Variants in CNTN5 observed in about 807,000 individuals in gnomAD.
CNTN5 encodes contactin-5.
A neutral mutation model predicts 129.1 loss-of-function variants in CNTN5; 77 were observed. The observed-to-expected ratio is 0.60, with a 90% CI of 0.50 to 0.72. The LOEUF (loss-of-function observed/expected upper bound fraction) is 0.72, where lower values mean the gene tolerates loss of function less well. Among genes scored for constraint, CNTN5 ranks in the 30% least tolerant of loss-of-function variants. CNTN5 has a pLI of 0.00. For synonymous variants in CNTN5, 509 were observed against 465.6 expected (o/e 1.09, Z -1.20); for missense variants, 1,478 against 1,328.8 (o/e 1.11, Z -1.75).
chr11:99,386,014 C>T (rs17133446), intron 2 of CNTN5, among the ~76,000 whole-genome samples: 5,118 of 152,216 alleles, frequency 0.034, 285 homozygotes, highest in African/African-American at 0.12. Flanking sequence ...GTGAAAGTTA[C>T]GTGGCTGTCC....
intron 8 of CNTN5, among the ~76,000 whole-genome samples, chr11:99,962,378 A>G (rs900077834): frequency 4.8e-5 from 7 of 145,956 alleles, no homozygotes; most frequent in Non-Finnish European, 7.4e-5. Flanking sequence ...TCATTGTTCA[A>G]TTCCCACCTA....
At chr11:100,317,409 G>C (rs889751902) in intron 21 of CNTN5, among the ~76,000 whole-genome samples, 1 of 152,060 alleles carries the variant, frequency 6.6e-6, no homozygotes, top group Non-Finnish European at 1.5e-5. Context: ...ATGCTGTGTG[G>C]GTAGCCGCCA....
chr11:99,635,175 T>G (rs528925187), intron 3 of CNTN5, among the ~76,000 whole-genome samples: 3 of 152,302 alleles, frequency 2.0e-5, no homozygotes, highest in African/African-American at 7.2e-5. Context: ...AAACAAAATC[T>G]TCAACATGTA....
At chr11:99,313,857 G>T (rs745538467) in intron 1 of CNTN5, among the ~76,000 whole-genome samples, 4 of 151,904 alleles carry the variant, frequency 2.6e-5, no homozygotes, top group Non-Finnish European at 4.4e-5. Context: ...AGTTTATATT[G>T]CTTCATCCTT....
intron 2 of CNTN5, among the ~76,000 whole-genome samples, chr11:99,472,528 C>G (rs1393140901): frequency 6.6e-6 from 1 of 152,136 alleles, no homozygotes; most frequent in East Asian, 1.9e-4. Context: ...TCTGTTTGTT[C>G]AACACTTACT....
intron 4 of CNTN5, among the ~76,000 whole-genome samples, chr11:99,841,623 A>T (rs1207747130): frequency 6.6e-6 from 1 of 151,508 alleles, no homozygotes; most frequent in East Asian, 1.9e-4. Flanking sequence ...CAGCAGAAGC[A>T]GCATCAGCAG....
chr11:99,192,473 ATAAG>A lies in CNTN5; in HGVS notation c.-209-132866_-209-132863del, dbSNP rs377280271. The stretch of plus-strand genomic sequence containing the variant: ...AATTGCAAAATTAGAAAAACAATAT[ATAAG>A]TAAGTAGTAGATAGTAGATATGTCA... On this transcript the variant is annotated intron_variant, in intron 1 of 24. Coordinates refer to ENST00000524871, the MANE Select transcript of CNTN5 (RefSeq NM_014361.4). Among the ~76,000 whole-genome samples, 33 of 152,044 alleles carry A rather than the reference ATAAG, an allele frequency of 2.2e-4. No homozygotes were observed. In the East Asian group the frequency reaches 3.1e-3, roughly 14 times the overall value.
At chr11:99,188,519 T>C (rs913802733) in intron 1 of CNTN5, among the ~76,000 whole-genome samples, 1 of 151,832 alleles carries the variant, frequency 6.6e-6, no homozygotes, top group African/African-American at 2.4e-5. Context: ...AAGAGTGAGA[T>C]TGAGCAACTT....
intron 1 of CNTN5, among the ~76,000 whole-genome samples, chr11:99,107,938 TA>T (rs55786739): frequency 0.12 from 12,765 of 103,484 alleles, 901 homozygotes; most frequent in East Asian, 0.42. Context: ...CTCAAAAAAG[TA>T]AAAAAAAAAA....
At chr11:99,873,718 TAAAAG>T (rs371128536) in intron 6 of CNTN5, among the ~76,000 whole-genome samples, 242 of 152,176 alleles carry the variant, frequency 1.6e-3, no homozygotes, top group African/African-American at 4.9e-3. Flanking sequence ...GCTATCTACT[TAAAAG>T]AAACGAAATT....
At chr11:99,786,980 T>G (rs1945549692) in intron 3 of CNTN5, among the ~76,000 whole-genome samples, 1 of 152,132 alleles carries the variant, frequency 6.6e-6, no homozygotes, top group African/African-American at 2.4e-5. Flanking sequence ...TTAGAAACAT[T>G]TAGATGTAAC....
intron 3 of CNTN5, among the ~76,000 whole-genome samples, chr11:99,602,698 G>T (rs887679959): frequency 6.6e-6 from 1 of 151,746 alleles, no homozygotes; most frequent in Non-Finnish European, 1.5e-5. Flanking sequence ...AAGTGTCCCT[G>T]TCTGACAGCT....
rs773080876 is a variant in CNTN5 at position 100,101,347 on chromosome 11, T to A, written c.1580+27053T>A. On this transcript the variant is annotated intron_variant, in intron 13 of 24. Coordinates refer to ENST00000524871, the MANE Select transcript of CNTN5 (RefSeq NM_014361.4). ...CAGTGAGAATGGGGAGGAAGGTAAA[T>A]GCTCAAGAAGGATAAGATTAAAGTG... 5.7e-4 allele frequency among the ~76,000 whole-genome samples: 86 copies of A among 152,064 alleles called. 1 individual carries two copies. Among genetic ancestry groups the A allele is most frequent in the Non-Finnish European group, 5.4e-4 (37 of 67,990 alleles).
intron 18 of CNTN5, among the ~76,000 whole-genome samples, chr11:100,273,863 C>A (rs966915581): frequency 1.3e-5 from 2 of 152,168 alleles, no homozygotes; most frequent in South Asian, 2.1e-4. Context: ...CACTGAACTA[C>A]TAAAACTATT....
At chr11:99,995,364 A>G (rs1939376804) in intron 8 of CNTN5, among the ~76,000 whole-genome samples, 1 of 152,156 alleles carries the variant, frequency 6.6e-6, no homozygotes, top group Non-Finnish European at 1.5e-5. Flanking sequence ...GAGCAAAGAT[A>G]ACCTTTCTGT....
chr11:99,816,483 C>G (rs1946591375), intron 3 of CNTN5, among the ~76,000 whole-genome samples: 1 of 152,134 alleles, frequency 6.6e-6, no homozygotes, highest in Non-Finnish European at 1.5e-5. Flanking sequence ...AAGCTCTTGC[C>G]TTTTCCTTCA....
At chr11:100,285,695 G>C (rs1036950060) in intron 18 of CNTN5, among the ~76,000 whole-genome samples, 1 of 152,080 alleles carries the variant, frequency 6.6e-6, no homozygotes, top group Non-Finnish European at 1.5e-5. Context: ...ATTCTCTTCT[G>C]ACTCAAATGG....
At chr11:99,512,307 G>T (rs1946868483) in intron 2 of CNTN5, among the ~76,000 whole-genome samples, 1 of 152,128 alleles carries the variant, frequency 6.6e-6, no homozygotes, top group African/African-American at 2.4e-5. Flanking sequence ...ATGCTGTGCA[G>T]GTCTGTAGCC....
chr11:99,745,089 C>T (rs1250473239), intron 3 of CNTN5, among the ~76,000 whole-genome samples: 1 of 152,146 alleles, frequency 6.6e-6, no homozygotes, highest in Non-Finnish European at 1.5e-5. Flanking sequence ...AGCAAATTTC[C>T]TCCATTAAGC....
Sources: allele counts gnomAD v4.1 joint callset (sites outside exome capture counted in the v4.1 genomes callset), GRCh38; gene constraint gnomAD v4.1.1; transcripts MANE v1.5; gene names NCBI Gene and HGNC (gene_info 2026-07-23, HGNC 2026-07-21).